OTC: variants seen among roughly 807,000 people sequenced by gnomAD.
OTC encodes the protein ornithine transcarbamylase, mitochondrial.
A neutral mutation model predicts 30.3 loss-of-function variants in OTC; 3 were observed. The ratio of observed to expected loss-of-function variants is 0.10; its 90% CI spans 0.05 to 0.26. OTC has a LOEUF of 0.26. Ranked by LOEUF, OTC falls within the 10% of genes least tolerant of loss-of-function variation. The probability of loss-of-function intolerance (pLI) is 1.00; values close to 1 mark genes in which losing one functional copy is unlikely to be tolerated. For missense variants in OTC, 194 were observed against 260.3 expected (o/e 0.75, Z 1.75); for synonymous variants, 111 against 99.7 (o/e 1.11, Z -0.67).
chrX:38,338,850 C>G, the OTC span, among the ~76,000 whole-genome samples: 1 of 111,935 alleles, frequency 8.9e-6, no homozygotes, highest in Non-Finnish European at 1.9e-5. Context: ...CATGGCAAGG[C>G]CTTGCTAGCC....
At chrX:38,375,071 A>G (rs1324409077) in intron 3 of OTC, among the ~76,000 whole-genome samples, 2 of 111,954 alleles carry the variant, frequency 1.8e-5, no homozygotes, top group African/African-American at 6.5e-5. Flanking sequence ...TTCATTAAGC[A>G]CTTACTATTT....
intron 6 of OTC, among the ~76,000 whole-genome samples, chrX:38,405,788 G>A (rs1026105472): frequency 7.2e-5 from 8 of 111,501 alleles, no homozygotes; most frequent in African/African-American, 2.6e-4. Context: ...GCTTAAAGCG[G>A]CTTTTATTCA....
In OTC at chrX:38,369,955, G is replaced by A. The variant is rs764260684; in HGVS notation, c.298+78G>A. The A allele has an allele frequency of 1.4e-5, 9 of 664,853 alleles. No homozygotes were observed. The South Asian group carries it at 1.5e-4, about 11-fold the overall frequency. 54.8% of individuals were successfully genotyped at this position (664,853 alleles called of 1,213,427 possible). A position where few individuals can be genotyped will look rare whatever the true frequency, so the allele number is the denominator to read the frequency against. On this transcript the variant is annotated intron_variant, in intron 3 of 9. Transcript: ENST00000039007. ...AGACTTTGGAGGGGTAACCCAGTGC[G>A]GGGATTTGTCTGCCTCTAGCAACCA...
At chrX:38,380,925 T>A (rs1602020472) in intron 3 of OTC, among the ~76,000 whole-genome samples, 1 of 111,381 alleles carries the variant, frequency 9.0e-6, no homozygotes, top group African/African-American at 3.3e-5. Context: ...GACAGGGTTT[T>A]GCCATGTTGG....
intron 1 of OTC, among the ~76,000 whole-genome samples, chrX:38,359,986 C>G (rs1162398081): frequency 3.8e-5 from 4 of 104,434 alleles, no homozygotes; most frequent in Non-Finnish European, 7.8e-5. Flanking sequence ...GGTGCGATCT[C>G]AGCTTACTGC....
At chrX:38,329,218 G>A in the OTC span, among the ~76,000 whole-genome samples, 1 of 111,384 alleles carries the variant, frequency 9.0e-6, no homozygotes, top group Non-Finnish European at 1.9e-5. Flanking sequence ...TACTGAGATG[G>A]GGAACACTGA....
intron 1 of OTC, among the ~76,000 whole-genome samples, chrX:38,354,291 A>G (rs1486016856): frequency 4.5e-5 from 5 of 111,987 alleles, no homozygotes; most frequent in African/African-American, 1.6e-4. Context: ...AAAGTGACAG[A>G]CCAATGTTCA....
upstream of OTC, among the ~76,000 whole-genome samples, chrX:38,351,801 C>T (rs2068217812): frequency 9.0e-6 from 1 of 111,494 alleles, no homozygotes; most frequent in Admixed American, 9.5e-5. Flanking sequence ...CTCTCTGTCA[C>T]CCAGGCTGGA....
At chrX:38,386,916 A>G (rs758194168) in intron 4 of OTC, among the ~76,000 whole-genome samples, 3 of 112,460 alleles carry the variant, frequency 2.7e-5, no homozygotes, top group African/African-American at 9.7e-5. Context: ...ATCACCACCA[A>G]TGGTGTGGAA....
At chrX:38,371,802 G>C (rs1426011168) in intron 3 of OTC, among the ~76,000 whole-genome samples, 2 of 112,181 alleles carry the variant, frequency 1.8e-5, no homozygotes, top group African/African-American at 6.5e-5. Context: ...GCTCTTTAAA[G>C]CTGGCTGCTG....
chrX:38,416,050 G>A (rs1022088938), intron 9 of OTC, among the ~76,000 whole-genome samples: 1 of 111,687 alleles, frequency 9.0e-6, no homozygotes, highest in African/African-American at 3.3e-5. Context: ...TAATTTCCAC[G>A]CATGCAACTT....
intron 2 of OTC, 75 bp downstream of exon 2, chrX:38,367,504 G>A: frequency 3.3e-6 from 3 of 918,424 alleles, no homozygotes; most frequent in Admixed American, 2.4e-5. Flanking sequence ...CAAAGAAAGA[G>A]GGAAAAAAAT....
At chrX:38,334,804 C>T in the OTC span, among the ~76,000 whole-genome samples, 2 of 111,611 alleles carry the variant, frequency 1.8e-5, no homozygotes, top group Admixed American at 1.9e-4. Flanking sequence ...CTCTACCGGT[C>T]TGGTCCATGG....
chrX:38,406,948 A>G (rs1172123995), intron 6 of OTC, among the ~76,000 whole-genome samples: 1 of 112,630 alleles, frequency 8.9e-6, no homozygotes, highest in Non-Finnish European at 1.9e-5. Context: ...AATAAACACA[A>G]TTTCACAAAT....
intron 4 of OTC, among the ~76,000 whole-genome samples, chrX:38,388,916 G>T (rs1020359065): frequency 8.9e-6 from 1 of 111,970 alleles, no homozygotes; most frequent in Non-Finnish European, 1.9e-5. Flanking sequence ...CCACAAACAT[G>T]GTGGCTTAGA....
chrX:38,373,509 A>G (rs1418947799), intron 3 of OTC: 1 of 112,812 alleles, frequency 8.9e-6, no homozygotes, highest in Non-Finnish European at 1.9e-5. Context: ...TATTAATCTC[A>G]GTAAATGCAG....
intron 9 of OTC, among the ~76,000 whole-genome samples, chrX:38,415,009 G>C (rs1296381990): frequency 9.0e-6 from 1 of 110,969 alleles, no homozygotes; most frequent in African/African-American, 3.3e-5. Context: ...TTTCAAGTGG[G>C]ATGAGACCTT....
the OTC span, among the ~76,000 whole-genome samples, chrX:38,341,040 C>T: frequency 7.2e-5 from 8 of 111,549 alleles, no homozygotes; most frequent in Admixed American, 2.9e-4. Context: ...TCAAGTGATC[C>T]GCCTGCCTCG....
At chrX:38,383,437 G>C (rs974214535) in intron 4 of OTC, among the ~76,000 whole-genome samples, 1 of 111,997 alleles carries the variant, frequency 8.9e-6, no homozygotes, top group Non-Finnish European at 1.9e-5. Context: ...TTCTAAGGCC[G>C]TGTTGTTTTG....
Sources: gnomAD v4.1 joint callset for allele counts (sites outside exome capture counted in the v4.1 genomes callset) on GRCh38, gnomAD v4.1.1 for gene constraint, MANE v1.5 for transcripts, NCBI Gene and HGNC (gene_info 2026-07-23, HGNC 2026-07-21) for gene names.